LDLRAD4: variants seen among roughly 807,000 people sequenced by gnomAD.
LDLRAD4 encodes the protein low-density lipoprotein receptor class A domain-containing protein 4.
LDLRAD4 carries 5 observed loss-of-function variants against 17.0 expected under a neutral mutation model. That is an observed-to-expected ratio of 0.29 (90% confidence interval 0.15 to 0.62). The LOEUF is 0.62. Ranked by LOEUF, LDLRAD4 falls within the 20% of genes least tolerant of loss-of-function variation. The pLI is 0.84. For synonymous variants in LDLRAD4, 168 were observed against 171.8 expected, an observed-to-expected ratio of 0.98 and a Z score of 0.17; for missense variants, 340 against 424.7, an observed-to-expected ratio of 0.80 and a Z score of 1.75.
At chr18:13,551,343 A>G (rs1398969170) in intron 3 of LDLRAD4, among the ~76,000 whole-genome samples, 3 of 152,144 alleles carry the variant, frequency 2.0e-5, no homozygotes, top group Non-Finnish European at 2.9e-5. Flanking sequence ...TGTGTGTCCT[A>G]CCGAGGATCT....
chr18:13,278,881 C>G (rs1946045676), intron 1 of LDLRAD4, among the ~76,000 whole-genome samples: 1 of 152,308 alleles, frequency 6.6e-6, no homozygotes, highest in African/African-American at 2.4e-5. Context: ...AGGAATCCCC[C>G]CTGAAGCTCT....
intron 3 of LDLRAD4, among the ~76,000 whole-genome samples, chr18:13,460,804 TC>T (rs1174540618): frequency 2.0e-5 from 3 of 152,154 alleles, no homozygotes; most frequent in Middle Eastern, 3.2e-3. Flanking sequence ...ATTATAAACT[TC>T]CTAAGATAAA....
chr18:13,569,862 G>A (rs2097297157), intron 3 of LDLRAD4, among the ~76,000 whole-genome samples: 1 of 152,156 alleles, frequency 6.6e-6, no homozygotes, highest in Admixed American at 6.5e-5. Flanking sequence ...TGCAGCCTGG[G>A]TGACAAAGTG....
intron 1 of LDLRAD4, among the ~76,000 whole-genome samples, chr18:13,248,777 C>T (rs989029698): frequency 3.3e-5 from 5 of 152,134 alleles, no homozygotes; most frequent in East Asian, 1.9e-4. Flanking sequence ...TCAGTATCCT[C>T]CTAGCTAATT....
chr18:13,353,043 C>G (rs545345596), intron 1 of LDLRAD4, among the ~76,000 whole-genome samples: 2 of 152,260 alleles, frequency 1.3e-5, no homozygotes, highest in South Asian at 2.1e-4. Context: ...TTTCCTCTAG[C>G]TCTTTAAGCA....
In LDLRAD4 at chr18:13,511,506, C is replaced by T. The variant is rs143443059; in HGVS notation, c.181+73122C>T. ...CAGCCTGGGTGACAGAGTGAGACTC[C>T]GTCTCAAAATAAATAAATAGTCACA... On this transcript the variant is annotated intron_variant, in intron 3 of 5. Transcript: ENST00000359446. 6.0e-3 allele frequency among the ~76,000 whole-genome samples: 910 copies of T among 152,130 alleles called. 9 individuals carry two copies. The highest frequency in any genetic ancestry group is 0.021 in the African/African-American group (868 of 41,498).
intron 3 of LDLRAD4, among the ~76,000 whole-genome samples, chr18:13,566,189 G>A (rs902217111): frequency 3.9e-5 from 6 of 152,120 alleles, no homozygotes; most frequent in South Asian, 2.1e-4. Flanking sequence ...TGAGACCCCC[G>A]TCAGTGCTGG....
Position 13,558,043 on chromosome 18 carries a change from T to C in LDLRAD4, c.182-63074T>C, listed in dbSNP as rs1419199056. Among the ~76,000 whole-genome samples the C allele has an allele frequency of 5.9e-5, 9 of 152,342 alleles. No individual in the cohort carries two copies. The East Asian group carries it at 1.7e-3, about 29-fold the overall frequency. ...CTTTGATTGGCACTTTAAAAGGTGT[T>C]GGAGTAGGGCGCTCTGGGAAACTGC... On this transcript the variant is annotated intron_variant, in intron 3 of 5. Transcript: ENST00000359446.
intron 3 of LDLRAD4, chr18:13,500,598 T>C (rs1397825774): frequency 6.6e-6 from 1 of 152,200 alleles, no homozygotes; most frequent in Non-Finnish European, 1.5e-5. Context: ...CGCGGGAAGT[T>C]CTGCATTCAG....
chr18:13,452,240 G>A (rs1255162330), intron 3 of LDLRAD4, among the ~76,000 whole-genome samples: 3 of 152,190 alleles, frequency 2.0e-5, no homozygotes, highest in Non-Finnish European at 4.4e-5. Flanking sequence ...AAGTCAGAGT[G>A]TGCCCGGCAC....
intron 1 of LDLRAD4, among the ~76,000 whole-genome samples, chr18:13,308,921 AT>A (rs2047069087): frequency 6.6e-6 from 1 of 152,046 alleles, no homozygotes; most frequent in Non-Finnish European, 1.5e-5. Context: ...TGGCTTCTGG[AT>A]TTTGAGACAC....
intron 1 of LDLRAD4, among the ~76,000 whole-genome samples, chr18:13,244,452 A>G (rs1419005678): frequency 6.6e-6 from 1 of 152,158 alleles, no homozygotes; most frequent in Admixed American, 6.5e-5. Context: ...CAACCTTCCT[A>G]TTGATCTGTC....
intron 1 of LDLRAD4, among the ~76,000 whole-genome samples, chr18:13,335,995 A>C (rs766548215): frequency 3.3e-5 from 5 of 152,218 alleles, no homozygotes; most frequent in Non-Finnish European, 7.3e-5. Flanking sequence ...TGGTGTCAGC[A>C]TCTGCTTCTG....
In LDLRAD4 at chr18:13,626,198, A is replaced by G. The variant is rs16940922; in HGVS notation, c.336+4927A>G. Reference sequence around the variant, plus strand: ...TGTGCATTCTTGCTGAGGTAGCCTGAGCTTGGTTTCTTTGGAGCCTGGTTT... The same window carrying G: ...TGTGCATTCTTGCTGAGGTAGCCTGGGCTTGGTTTCTTTGGAGCCTGGTTT... On this transcript the variant is annotated intron_variant, in intron 4 of 5. Transcript: ENST00000359446. Among the ~76,000 whole-genome samples, 443 of 152,132 alleles carry G rather than the reference A, an allele frequency of 2.9e-3. 2 individuals are homozygous for G. The highest frequency in any genetic ancestry group is 9.7e-3 in the African/African-American group (404 of 41,472).
At chr18:13,516,811 CT>C (rs2093874453) in intron 3 of LDLRAD4, among the ~76,000 whole-genome samples, 1 of 152,200 alleles carries the variant, frequency 6.6e-6, no homozygotes, top group African/African-American at 2.4e-5. Context: ...TTATATCAGC[CT>C]GTGTTCCTTA....
chr18:13,385,410 T>C (rs1377921876), intron 1 of LDLRAD4, among the ~76,000 whole-genome samples: 2 of 152,200 alleles, frequency 1.3e-5, no homozygotes, highest in Non-Finnish European at 2.9e-5. Context: ...CTTGCAAATA[T>C]TTTCTCCCAG....
At chr18:13,540,123 G>T (rs1382750634) in intron 3 of LDLRAD4, among the ~76,000 whole-genome samples, 1 of 152,246 alleles carries the variant, frequency 6.6e-6, no homozygotes, top group Admixed American at 6.5e-5. Flanking sequence ...CAGGGAGGTT[G>T]AGTAAAACAG....
intron 1 of LDLRAD4, among the ~76,000 whole-genome samples, chr18:13,223,818 GC>G (rs1338017910): frequency 1.3e-5 from 2 of 152,208 alleles, no homozygotes; most frequent in Non-Finnish European, 2.9e-5. Context: ...CCTGCCATCT[GC>G]ATGTTACAGA....
At chr18:13,626,136 A>C (rs2041149252) in intron 4 of LDLRAD4, among the ~76,000 whole-genome samples, 1 of 152,162 alleles carries the variant, frequency 6.6e-6, no homozygotes, top group Non-Finnish European at 1.5e-5. Flanking sequence ...TGCTTACATC[A>C]TAGCAGATAG....
Sources: allele counts gnomAD v4.1 joint callset (sites outside exome capture counted in the v4.1 genomes callset), GRCh38; gene constraint gnomAD v4.1.1; transcripts MANE v1.5; gene names NCBI Gene and HGNC (gene_info 2026-07-23, HGNC 2026-07-21).